The following DDX19A variants were observed in gnomAD, a reference collection of about 807,000 sequenced individuals.
The protein encoded by DDX19A is ATP-dependent RNA helicase DDX19A.
Under a neutral mutation model 60.6 loss-of-function variants are expected in DDX19A, and 12 were observed. That is an observed-to-expected ratio of 0.20 (90% CI 0.13 to 0.32). The LOEUF is 0.32. Among genes scored for constraint, DDX19A ranks in the 10% least tolerant of loss-of-function variants. DDX19A has a pLI of 1.00. For missense variants in DDX19A, 337 were observed against 600.6 expected, an observed-to-expected ratio of 0.56 and a Z score of 4.59; for synonymous variants, 206 against 218.2, an observed-to-expected ratio of 0.94 and a Z score of 0.49.
chr16:70,362,882 C>T (rs1033132792), intron 5 of DDX19A, among the ~76,000 whole-genome samples: 7 of 151,384 alleles, frequency 4.6e-5, no homozygotes, highest in African/African-American at 7.3e-5. Flanking sequence ...GGCTTGGTGG[C>T]GCACACCTGT....
At chr16:70,368,569 C>T (rs936039700) in intron 9 of DDX19A, among the ~76,000 whole-genome samples, 11 of 151,484 alleles carry the variant, frequency 7.3e-5, no homozygotes, top group South Asian at 4.2e-4. Flanking sequence ...CTGCGCCTGA[C>T]GCCAAAAAAT....
intron 4 of DDX19A, among the ~76,000 whole-genome samples, chr16:70,358,464 C>G (rs1022006202): frequency 3.3e-5 from 5 of 151,066 alleles, no homozygotes; most frequent in African/African-American, 1.2e-4. Context: ...GCCACTGCAC[C>G]TGGCCCAATA....
At chr16:70,366,944 A>G (rs1964538106) in intron 9 of DDX19A, 83 bp downstream of exon 9, 8 of 1,519,760 alleles carry the variant, frequency 5.3e-6, no homozygotes, top group Non-Finnish European at 6.3e-6. Context: ...GATGCCCCTG[A>G]GCGCCATGGA....
chr16:70,361,586 G>T, intron 5 of DDX19A, 76 bp downstream of exon 5: 1 of 1,200,398 alleles, frequency 8.3e-7, no homozygotes, highest in South Asian at 1.2e-5. Context: ...TTGTGCCTGA[G>T]AACAGAAGGA....
chr16:70,358,395 C>G (rs1337533983), intron 4 of DDX19A, among the ~76,000 whole-genome samples: 1 of 151,842 alleles, frequency 6.6e-6, no homozygotes, highest in Non-Finnish European at 1.5e-5. Flanking sequence ...CTCCTGAACT[C>G]CTGTGGTCAA....
At chr16:70,364,434 A>G in intron 5 of DDX19A, 109 bp from the exon 6 acceptor site, 1 of 800,340 alleles carries the variant, frequency 1.2e-6, no homozygotes, top group Non-Finnish European at 2.1e-6. Flanking sequence ...AACCTGGGTA[A>G]TATAGAGAAG....
intron 2 of DDX19A, among the ~76,000 whole-genome samples, chr16:70,353,411 G>A (rs960892133): frequency 7.2e-5 from 11 of 152,130 alleles, no homozygotes; most frequent in South Asian, 4.2e-4. Flanking sequence ...ACCACGCCTG[G>A]CCTTTTTTTA....
At chr16:70,371,836 G>A (rs898300041) in intron 11 of DDX19A, 89 bp from the exon 12 acceptor site, 125 of 1,602,196 alleles carry the variant, frequency 7.8e-5, no homozygotes, top group Non-Finnish European at 9.6e-5. Flanking sequence ...TTAGGCACCC[G>A]GAGCCTTTGG....
At chr16:70,352,535 G>A (rs140087988) in intron 2 of DDX19A, among the ~76,000 whole-genome samples, 2,031 of 151,544 alleles carry the variant, frequency 0.013, 35 homozygotes, top group African/African-American at 0.045. Flanking sequence ...TGCCCGCCTC[G>A]GCCTCCCAAA....
At position 70,350,094 on chromosome 16, in the gene DDX19A, G is replaced by A. The variant is rs140582042; in HGVS notation, c.58-463G>A. Among the ~76,000 whole-genome samples the A allele has an allele frequency of 3.2e-3, 492 of 152,142 alleles. 4 individuals are homozygous for A. Among genetic ancestry groups the A allele is most frequent in the African/African-American group, 0.011 (457 of 41,538 alleles). ...GAGGATTGCTTGAGCCCAGGAGTTC[G>A]AGTTTGAGTTCAAGTAGGCATGGTG... On this transcript the variant is annotated intron_variant, in intron 1 of 11. Coordinates refer to ENST00000302243, the MANE Select transcript of DDX19A (RefSeq NM_018332.5).
In DDX19A at chr16:70,366,604, A is replaced by C; in HGVS notation, c.783-20A>C. The stretch of plus-strand genomic sequence containing the variant: ...TTCCCAGGGCCACCTGGGGCCATCT[A>C]CCCGGGCCTTCCCTTGCAGGATGCT... On this transcript the variant is annotated intron_variant, in intron 8 of 11. Coordinates refer to ENST00000302243, the MANE Select transcript of DDX19A (RefSeq NM_018332.5). 2 of 1,613,852 alleles carry C rather than the reference A, an allele frequency of 1.2e-6. No individual in the cohort carries two copies. Among genetic ancestry groups the C allele is most frequent in the Non-Finnish European group, 1.7e-6 (2 of 1,179,918 alleles).
chr16:70,357,366 G>GGTTTTTTT (rs1964236412), intron 4 of DDX19A, among the ~76,000 whole-genome samples: 1 of 44,596 alleles, frequency 2.2e-5, no homozygotes, highest in Non-Finnish European at 4.1e-5. Context: ...TTTTTGGTTT[G>GGTTTTTTT]TTTTTTTTTT....
Position 70,361,493 on chromosome 16 carries a change from C to T in DDX19A, c.369C>T (p.Pro123=). The change falls in exon 5 of 12, where the codon CCC becomes CCT. Residue 123 remains proline, a synonymous_variant. Transcript: ENST00000302243. ...RPSKIQENAL[P]MMLAEPPQNL... ...CCAAGATACAAGAGAACGCATTACC[C>T]ATGATGCTTGCTGAACCGTGAGTAT... 6.2e-7 allele frequency: 1 copy of T among 1,612,148 alleles called. No homozygotes were observed. Among genetic ancestry groups the T allele is most frequent in the Non-Finnish European group, 8.5e-7 (1 of 1,178,530 alleles).
intron 4 of DDX19A, among the ~76,000 whole-genome samples, chr16:70,357,846 T>C (rs972889319): frequency 1.1e-4 from 17 of 152,178 alleles, no homozygotes; most frequent in African/African-American, 3.6e-4. Flanking sequence ...TGAATAAGAA[T>C]ATGGTGGAAT....
intron 2 of DDX19A, among the ~76,000 whole-genome samples, chr16:70,351,416 A>G (rs1056089731): frequency 3.3e-5 from 5 of 151,576 alleles, no homozygotes; most frequent in South Asian, 2.1e-4. Context: ...CATATTGCCC[A>G]GGCTGGTCTT....
chr16:70,357,367 T>TTTG (rs1964240489), intron 4 of DDX19A, among the ~76,000 whole-genome samples: 1 of 18,374 alleles, frequency 5.4e-5, no homozygotes, highest in Non-Finnish European at 1.0e-4. Flanking sequence ...TTTTGGTTTG[T>TTTG]TTTTTTTTTT....
chr16:70,371,215 C>T, intron 10 of DDX19A, 157 bp from the exon 11 acceptor site: 3 of 1,290,918 alleles, frequency 2.3e-6, no homozygotes, highest in Non-Finnish European at 3.2e-6. Context: ...GGTTCTGTTG[C>T]CTGCCTATAT....
intron 4 of DDX19A, among the ~76,000 whole-genome samples, chr16:70,359,095 T>A (rs1964299543): frequency 6.6e-6 from 1 of 152,174 alleles, no homozygotes; most frequent in East Asian, 1.9e-4. Context: ...TCTCTCTGAT[T>A]TAGTTGTTGG....
chr16:70,360,305 T>TTTTC (rs35076329), intron 4 of DDX19A, among the ~76,000 whole-genome samples: 58,399 of 128,664 alleles, frequency 0.45, 13,684 homozygotes, highest in Non-Finnish European at 0.48. Flanking sequence ...TTTTTTTCTT[T>TTTTC]TTTCTTTCTT....
Sources: gnomAD v4.1 joint callset for allele counts (sites outside exome capture counted in the v4.1 genomes callset) on GRCh38, gnomAD v4.1.1 for gene constraint, MANE v1.5 for transcripts, NCBI Gene and HGNC (gene_info 2026-07-23, HGNC 2026-07-21) for gene names.